PRKCA: variants seen among roughly 807,000 people sequenced by gnomAD.
The protein encoded by PRKCA is protein kinase C alpha.
Under a neutral mutation model 87.0 loss-of-function variants are expected in PRKCA, and 27 were observed. The ratio of observed to expected loss-of-function variants is 0.31; its 90% CI spans 0.23 to 0.43. PRKCA has a LOEUF of 0.43. Among genes scored for constraint, PRKCA ranks in the 20% least tolerant of loss-of-function variants. The pLI is 1.00. For synonymous variants in PRKCA, 329 were observed against 311.1 expected, an observed-to-expected ratio of 1.06 and a Z score of -0.61; for missense variants, 518 against 852.3, an observed-to-expected ratio of 0.61 and a Z score of 4.88.
intron 3 of PRKCA, among the ~76,000 whole-genome samples, chr17:66,539,455 T>G (rs1394827668): frequency 2.0e-5 from 3 of 151,776 alleles, no homozygotes; most frequent in Non-Finnish European, 2.9e-5. Flanking sequence ...CCAGGCTGGA[T>G]TGCAGTGGCG....
At chr17:66,363,923 A>C (rs752521593) in intron 2 of PRKCA, 1 of 152,232 alleles carries the variant, frequency 6.6e-6, no homozygotes, top group African/African-American at 2.4e-5. Context: ...GGCTGGTCTG[A>C]AACTCCTGAC....
At chr17:66,306,780 T>G (rs972440035) in intron 2 of PRKCA, among the ~76,000 whole-genome samples, 8 of 152,162 alleles carry the variant, frequency 5.3e-5, no homozygotes, top group African/African-American at 1.7e-4. Flanking sequence ...TATCTAACTT[T>G]TTGTACTCTC....
chr17:66,312,220 G>T (rs373402730), intron 2 of PRKCA, among the ~76,000 whole-genome samples: 4 of 152,174 alleles, frequency 2.6e-5, no homozygotes, highest in Admixed American at 2.0e-4. Flanking sequence ...GACCTTAGGT[G>T]ATCCTCCTGT....
At chr17:66,771,870 C>G (rs181130960) in intron 13 of PRKCA, among the ~76,000 whole-genome samples, 120 of 152,350 alleles carry the variant, frequency 7.9e-4, no homozygotes, top group Middle Eastern at 3.4e-3. Flanking sequence ...GCTGGGATTA[C>G]AGGCATGAGC....
At chr17:66,655,408 T>G (rs1310753991) in intron 5 of PRKCA, among the ~76,000 whole-genome samples, 2 of 152,164 alleles carry the variant, frequency 1.3e-5, no homozygotes, top group East Asian at 3.9e-4. Flanking sequence ...AGCCCACCAG[T>G]GTTTCTTCCC....
chr17:66,420,316 A>G (rs975362163), intron 2 of PRKCA, among the ~76,000 whole-genome samples: 2 of 152,150 alleles, frequency 1.3e-5, no homozygotes, highest in Non-Finnish European at 2.9e-5. Context: ...GCCAGGGGAC[A>G]TGTTCTTAAA....
At chr17:66,653,687 G>A (rs1479169407) in intron 5 of PRKCA, among the ~76,000 whole-genome samples, 1 of 151,334 alleles carries the variant, frequency 6.6e-6, no homozygotes, top group Non-Finnish European at 1.5e-5. Context: ...TGGGCCGTTT[G>A]CATTCTGCAT....
chr17:66,405,258 A>G (rs1274503082), intron 2 of PRKCA, among the ~76,000 whole-genome samples: 1 of 152,170 alleles, frequency 6.6e-6, no homozygotes, highest in Non-Finnish European at 1.5e-5. Context: ...TGGGGATTTC[A>G]CAGCTGGTGA....
intron 2 of PRKCA, among the ~76,000 whole-genome samples, chr17:66,407,407 G>A (rs1380309884): frequency 1.3e-5 from 2 of 152,200 alleles, no homozygotes; most frequent in Non-Finnish European, 2.9e-5. Context: ...AGCTTGCTCC[G>A]GCTTTGCTTT....
chr17:66,461,955 G>A (rs73996209), intron 2 of PRKCA, among the ~76,000 whole-genome samples: 9,003 of 151,512 alleles, frequency 0.059, 878 homozygotes, highest in African/African-American at 0.21. Context: ...CCTAACTACC[G>A]AGCATGCTTC....
intron 13 of PRKCA, among the ~76,000 whole-genome samples, chr17:66,743,100 G>T (rs908446917): frequency 6.6e-6 from 1 of 152,222 alleles, no homozygotes; most frequent in African/African-American, 2.4e-5. Flanking sequence ...GGAGCCCGAG[G>T]TGGGTGGATC....
chr17:66,303,137 G>A (rs1055925721), intron 1 of PRKCA, 113 bp downstream of exon 1: 226 of 1,400,434 alleles, frequency 1.6e-4, no homozygotes, highest in Non-Finnish European at 1.8e-4. Context: ...CTTGGAACCG[G>A]CGGGAGTCCG....
At chr17:66,327,635 C>T (rs946682947) in intron 2 of PRKCA, among the ~76,000 whole-genome samples, 3 of 152,194 alleles carry the variant, frequency 2.0e-5, no homozygotes, top group Admixed American at 6.5e-5. Context: ...GTGTCTCCTT[C>T]GTCCACATGA....
chr17:66,741,603 G>T (rs1272238374), intron 11 of PRKCA, 56 bp from the exon 12 acceptor site: 1 of 1,554,418 alleles, frequency 6.4e-7, no homozygotes, highest in Non-Finnish European at 8.9e-7. Flanking sequence ...AGAATGTAAA[G>T]TATACAGGCA....
chr17:66,731,585 C>T (rs1029112067), intron 8 of PRKCA, among the ~76,000 whole-genome samples: 14 of 151,916 alleles, frequency 9.2e-5, no homozygotes, highest in Non-Finnish European at 1.0e-4. Flanking sequence ...TGAGACTTCC[C>T]GTGGGTTTAC....
chr17:66,664,348 G>A (rs920710263), intron 5 of PRKCA, among the ~76,000 whole-genome samples: 10 of 152,178 alleles, frequency 6.6e-5, no homozygotes, highest in African/African-American at 2.2e-4. Context: ...GAGCCCAGGA[G>A]CTGCGTCCCA....
intron 3 of PRKCA, among the ~76,000 whole-genome samples, chr17:66,587,816 T>C (rs562323509): frequency 2.4e-5 from 3 of 127,224 alleles, no homozygotes; most frequent in African/African-American, 5.6e-5. Context: ...TGTGTGTATA[T>C]GTATACATAT....
At chr17:66,787,529 C>G (rs1568034599) in intron 15 of PRKCA, among the ~76,000 whole-genome samples, 1 of 152,228 alleles carries the variant, frequency 6.6e-6, no homozygotes, top group African/African-American at 2.4e-5. Flanking sequence ...CTTGGTGTGA[C>G]TTAGTTCTTT....
chr17:66,304,181 T>C (rs1356799697), intron 1 of PRKCA, among the ~76,000 whole-genome samples: 1 of 152,072 alleles, frequency 6.6e-6, no homozygotes, highest in Non-Finnish European at 1.5e-5. Flanking sequence ...AATCGATACA[T>C]AGAAGGGCTT....
Sources: gnomAD v4.1 joint callset for allele counts (sites outside exome capture counted in the v4.1 genomes callset) on GRCh38, gnomAD v4.1.1 for gene constraint, MANE v1.5 for transcripts, NCBI Gene and HGNC (gene_info 2026-07-23, HGNC 2026-07-21) for gene names.